ZNF821: variants seen among roughly 807,000 people sequenced by gnomAD.
ZNF821 encodes zinc finger protein 821.
Under a neutral mutation model 44.3 loss-of-function variants are expected in ZNF821, and 16 were observed. That is an observed-to-expected ratio of 0.36 (90% CI 0.24 to 0.55). ZNF821 has a LOEUF of 0.55. Among genes scored for constraint, ZNF821 ranks in the 20% least tolerant of loss-of-function variants. The pLI is 0.86. For synonymous variants in ZNF821, 204 were observed against 197.6 expected (o/e 1.03, Z -0.27); for missense variants, 436 against 547.6 (o/e 0.80, Z 2.03).
At chr16:71,863,690 T>G (rs2034195042) in intron 6 of ZNF821, among the ~76,000 whole-genome samples, 1 of 151,652 alleles carries the variant, frequency 6.6e-6, no homozygotes, top group Non-Finnish European at 1.5e-5. Flanking sequence ...ACACCTGGCT[T>G]TGGGCTGAAT....
Position 71,893,029 on chromosome 16 carries a change from C to CTTTTTTTTTTTTTTTTTT in ZNF821, n.448+1842_448+1859dup, listed in dbSNP as rs1199482590. ...TACAGGCATGAGCCACCCTGCCTGG[C>CTTTTTTTTTTTTTTTTTT]TTTTTTTTTTTTTTTTTTGAGATAT... is the stretch of plus-strand genomic sequence containing the variant. On this transcript the variant is annotated intron_variant and non_coding_transcript_variant, in intron 1 of 2. Transcript: ENST00000561700. Among the ~76,000 whole-genome samples, 8 of 65,918 alleles carry CTTTTTTTTTTTTTTTTTT rather than the reference C, an allele frequency of 1.2e-4. 3 individuals are homozygous for CTTTTTTTTTTTTTTTTTT. Among genetic ancestry groups the CTTTTTTTTTTTTTTTTTT allele is most frequent in the African/African-American group, 1.9e-4 (3 of 16,032 alleles). 43.2% of individuals were successfully genotyped at this position (65,918 alleles called of 152,430 possible).
chr16:71,860,023 GC>G lies in ZNF821; in HGVS notation c.1233del (p.His412ThrfsTer92). 1 of 1,599,524 alleles carries G rather than the reference GC, an allele frequency of 6.3e-7. No individual in the cohort carries two copies. Among genetic ancestry groups the G allele is most frequent in the Non-Finnish European group, 8.5e-7 (1 of 1,173,702 alleles). On this transcript the variant is annotated frameshift_variant, in exon 8 of 8. Coordinates refer to ENST00000425432, the MANE Select transcript of ZNF821 (RefSeq NM_001201552.2). LOFTEE classifies it high-confidence loss of function. The surrounding 1 kb of genome is among the most constrained non-coding windows in gnomAD (Gnocchi z 7.3). The part of the protein sequence containing the change: ...MAFEEQNSSS[L>X]H ...GGCAGGCAGGAGGGTGTGGTTCAGTGCAGAGAGCTGCTGTTCTGCTCTTCAA... is the reference window on the plus strand; with the variant it reads ...GGCAGGCAGGAGGGTGTGGTTCAGTGAGAGAGCTGCTGTTCTGCTCTTCAA...
intron 1 of ZNF821, among the ~76,000 whole-genome samples, chr16:71,892,813 C>A (rs1010515646): frequency 2.0e-5 from 3 of 146,856 alleles, no homozygotes; most frequent in African/African-American, 7.6e-5. Context: ...GTCACTGCAA[C>A]CTCCGCCTCC....
chr16:71,872,834 T>C (rs1442687344), intron 3 of ZNF821, among the ~76,000 whole-genome samples: 2 of 152,254 alleles, frequency 1.3e-5, no homozygotes, highest in East Asian at 1.9e-4. Flanking sequence ...AAGGCTTTTA[T>C]TCCTCCTTCT....
chr16:71,864,108 T>A, intron 6 of ZNF821, 30 bp downstream of exon 6: 1 of 1,596,486 alleles, frequency 6.3e-7, no homozygotes, highest in Non-Finnish European at 8.6e-7. Flanking sequence ...CACACTTGTG[T>A]TCCAGAGCAC....
chr16:71,872,681 C>T lies in ZNF821; in HGVS notation c.41-4644G>A, dbSNP rs974466114. On this transcript the variant is annotated intron_variant, in intron 3 of 7. Coordinates refer to ENST00000425432, the MANE Select transcript of ZNF821 (RefSeq NM_001201552.2). ...ATGAGCTAGTATTGGGAGTGAGGAG[C>T]TTAGGATTCCATCTCTAGCTGACAG... Among the ~76,000 whole-genome samples, 9 of 152,304 alleles carry T rather than the reference C, an allele frequency of 5.9e-5. No homozygotes were observed. The East Asian group carries it at 1.5e-3, about 26-fold the overall frequency.
intron 5 of ZNF821, 193 bp downstream of exon 5, chr16:71,864,710 T>C (rs973303400): frequency 4.7e-6 from 3 of 636,182 alleles, no homozygotes; most frequent in Middle Eastern, 4.5e-4. Flanking sequence ...GATTCGTGGA[T>C]GGAAAAGGAA....
At chr16:71,864,468 C>A (rs2034299603) in intron 5 of ZNF821, among the ~76,000 whole-genome samples, 2 of 152,216 alleles carry the variant, frequency 1.3e-5, no homozygotes. Flanking sequence ...ATTTTTTTCC[C>A]TGAAGATAAA....
At chr16:71,882,531 GTGTC>G (rs1490672501) in intron 2 of ZNF821, among the ~76,000 whole-genome samples, 2 of 152,190 alleles carry the variant, frequency 1.3e-5, no homozygotes, top group Non-Finnish European at 2.9e-5. Context: ...ACAGAGATGA[GTGTC>G]TGCGTATTTA....
chr16:71,867,867 C>A (rs1222107679), intron 4 of ZNF821, 45 bp downstream of exon 4: 6 of 1,529,618 alleles, frequency 3.9e-6, no homozygotes, highest in East Asian at 2.5e-5. Context: ...TCTGATAATT[C>A]TTCTCCCATT....
At chr16:71,883,545 A>AC (rs965433917) in intron 1 of ZNF821, 16 of 202,898 alleles carry the variant, frequency 7.9e-5, no homozygotes, top group Non-Finnish European at 1.2e-4. Context: ...GGGGACTGAT[A>AC]CCCCCCGGTC....
At chr16:71,879,708 A>T (rs1199032706) in intron 3 of ZNF821, among the ~76,000 whole-genome samples, 199 bp downstream of exon 3, 4 of 152,122 alleles carry the variant, frequency 2.6e-5, no homozygotes, top group Non-Finnish European at 5.9e-5. Flanking sequence ...GCAACCAGAC[A>T]CACTTTAAAT....
intron 2 of ZNF821, among the ~76,000 whole-genome samples, chr16:71,882,653 G>C (rs1404188186): frequency 6.6e-6 from 1 of 152,178 alleles, no homozygotes; most frequent in Admixed American, 6.5e-5. Flanking sequence ...AGAAAAATAA[G>C]CAATTACAGT....
chr16:71,891,373 T>C (rs888043398), intron 1 of ZNF821: 2 of 152,254 alleles, frequency 1.3e-5, no homozygotes, highest in African/African-American at 4.8e-5. Context: ...GAAACTTGTC[T>C]GTTCAGCCAG....
intron 3 of ZNF821, among the ~76,000 whole-genome samples, chr16:71,877,295 C>T (rs112452788): frequency 0.14 from 20,591 of 152,148 alleles, 1,728 homozygotes; most frequent in South Asian, 0.38. Context: ...GGGTCTCACT[C>T]TGGCACCCAG....
intron 4 of ZNF821, among the ~76,000 whole-genome samples, chr16:71,866,974 G>C (rs1463541714): frequency 6.6e-6 from 1 of 152,188 alleles, no homozygotes; most frequent in Non-Finnish European, 1.5e-5. Flanking sequence ...GGAAAGTGCT[G>C]AAATCTTCCT....
intron 6 of ZNF821, among the ~76,000 whole-genome samples, chr16:71,863,401 CTTTTTTTTT>C (rs372197045): frequency 4.6e-5 from 5 of 108,594 alleles, no homozygotes; most frequent in East Asian, 3.0e-4. Flanking sequence ...AGCAGAATCT[CTTTTTTTTT>C]TTTTTTTTTT....
intron 7 of ZNF821, among the ~76,000 whole-genome samples, chr16:71,861,436 G>A (rs1310852691): frequency 2.0e-5 from 3 of 152,148 alleles, no homozygotes; most frequent in Non-Finnish European, 2.9e-5. Flanking sequence ...AGGACACAAC[G>A]TTCCAGTCTT....
intron 6 of ZNF821, among the ~76,000 whole-genome samples, chr16:71,862,353 T>C (rs1401163242): frequency 6.6e-6 from 1 of 152,220 alleles, no homozygotes; most frequent in Non-Finnish European, 1.5e-5. Context: ...CAGGTGCCTG[T>C]AGTCCCAGCT....
Sources: gnomAD v4.1 joint callset for allele counts (sites outside exome capture counted in the v4.1 genomes callset) on GRCh38, gnomAD v4.1.1 for gene constraint, Gnocchi (gnomAD v3.1) non-coding constraint, MANE v1.5 for transcripts, NCBI Gene and HGNC (gene_info 2026-07-23, HGNC 2026-07-21) for gene names.